Variants in VAV2 observed in about 807,000 individuals in gnomAD.
VAV2 encodes vav guanine nucleotide exchange factor 2.
In VAV2, 67 loss-of-function variants were observed where a neutral mutation model predicts 132.5. The ratio of observed to expected loss-of-function variants is 0.51; its 90% CI spans 0.42 to 0.62. VAV2 has a LOEUF of 0.62. Among genes scored for constraint, VAV2 ranks in the 20% least tolerant of loss-of-function variants. VAV2 has a pLI of 0.00. For synonymous variants in VAV2, 492 were observed against 443.5 expected, an observed-to-expected ratio of 1.11 and a Z score of -1.37; for missense variants, 938 against 1,153.6, an observed-to-expected ratio of 0.81 and a Z score of 2.71.
intron 2 of VAV2, among the ~76,000 whole-genome samples, chr9:133,868,411 G>A (rs192067045): frequency 2.0e-3 from 298 of 152,336 alleles, no homozygotes; most frequent in African/African-American, 6.9e-3. Flanking sequence ...CCCGGGCACC[G>A]TGCTGAGGCT....
chr9:133,929,201 G>A (rs1397794838), intron 2 of VAV2, among the ~76,000 whole-genome samples: 4 of 152,086 alleles, frequency 2.6e-5, no homozygotes, highest in Admixed American at 6.5e-5. Flanking sequence ...TGGTGTCTTC[G>A]TGGGTCCACT....
At chr9:133,932,386 C>T (rs1413951261) in intron 2 of VAV2, among the ~76,000 whole-genome samples, 2 of 152,220 alleles carry the variant, frequency 1.3e-5, no homozygotes, top group Admixed American at 6.5e-5. Flanking sequence ...CCGGGCAGCA[C>T]AGGAAGCCGG....
At chr9:133,920,712 A>T (rs1201686937) in intron 2 of VAV2, among the ~76,000 whole-genome samples, 1 of 147,870 alleles carries the variant, frequency 6.8e-6, no homozygotes, top group Admixed American at 6.7e-5. Context: ...AAGGCGGGGG[A>T]TGCTGTCTGT....
At chr9:133,816,201 C>A (rs924491449) in intron 4 of VAV2, among the ~76,000 whole-genome samples, 1 of 152,216 alleles carries the variant, frequency 6.6e-6, no homozygotes, top group Admixed American at 6.5e-5. Context: ...TTATTGAATT[C>A]GGTGAGTTCT....
chr9:133,964,547 A>G (rs1490250828), intron 1 of VAV2, among the ~76,000 whole-genome samples: 1 of 152,150 alleles, frequency 6.6e-6, no homozygotes, highest in African/African-American at 2.4e-5. Context: ...CAATACCCTA[A>G]CGAACATAGA....
chr9:133,785,274 G>A (rs1834172954), intron 17 of VAV2, among the ~76,000 whole-genome samples: 1 of 152,206 alleles, frequency 6.6e-6, no homozygotes. Flanking sequence ...TGGCCCTCCA[G>A]GGTCCGTGTT....
intron 3 of VAV2, among the ~76,000 whole-genome samples, chr9:133,838,992 A>ATGGG (rs1836606891): frequency 8.5e-6 from 1 of 118,142 alleles, no homozygotes; most frequent in Non-Finnish European, 1.8e-5. Flanking sequence ...GAATGGATGG[A>ATGGG]TGGGTGGGTA....
chr9:133,835,388 A>T (rs2131786296), intron 3 of VAV2, among the ~76,000 whole-genome samples: 1 of 129,742 alleles, frequency 7.7e-6, no homozygotes, highest in Non-Finnish European at 1.6e-5. Flanking sequence ...AGCCTCAGGA[A>T]GCGGGGAGAG....
At chr9:133,777,669 C>T (rs1833864182) in intron 22 of VAV2, among the ~76,000 whole-genome samples, 1 of 152,084 alleles carries the variant, frequency 6.6e-6, no homozygotes, top group South Asian at 2.1e-4. Context: ...AGCACTAAGG[C>T]CTGGCACAGC....
chr9:133,970,661 T>C (rs1842301516), intron 1 of VAV2, among the ~76,000 whole-genome samples: 1 of 152,204 alleles, frequency 6.6e-6, no homozygotes, highest in African/African-American at 2.4e-5. Context: ...CCCCAGCCTC[T>C]GGCCTAGCTA....
rs1262755989 is a variant in VAV2, at chr9:133,868,363, G to A, written c.322-6931C>T. 2.0e-5 allele frequency among the ~76,000 whole-genome samples: 3 copies of A among 152,212 alleles called. No individual in the cohort carries two copies. The East Asian group carries it at 5.8e-4, about 29-fold the overall frequency. On this transcript the variant is annotated intron_variant, in intron 2 of 29. Transcript: ENST00000371850. ...TGGCCAGGAGATGCTCTGCGAATGG[G>A]GAAGAGCCCAGACTGCCCTGGGTTC...
intron 2 of VAV2, among the ~76,000 whole-genome samples, chr9:133,915,885 GCA>G (rs748583463): frequency 5.8e-4 from 78 of 133,436 alleles, no homozygotes; most frequent in South Asian, 2.7e-3. Context: ...ACCCACACAT[GCA>G]CACTCACACA....
intron 1 of VAV2, among the ~76,000 whole-genome samples, chr9:133,982,029 C>A (rs1040823519): frequency 7.9e-5 from 12 of 152,238 alleles, no homozygotes; most frequent in African/African-American, 2.4e-4. Flanking sequence ...ACAAACTGTG[C>A]GACCCGGAAG....
Position 133,919,490 on chromosome 9 carries a change from A to G in VAV2, c.321+19613T>C, listed in dbSNP as rs1840217990. Among the ~76,000 whole-genome samples the G allele has an allele frequency of 6.6e-6, 1 of 151,820 alleles. No individual in the cohort carries two copies. Among genetic ancestry groups the G allele is most frequent in the African/African-American group, 2.4e-5 (1 of 41,306 alleles). On this transcript the variant is annotated intron_variant, in intron 2 of 29. Transcript: ENST00000371850. The surrounding 1 kb of genome is among the most constrained non-coding windows in gnomAD (Gnocchi z 5.8). ...AGGTGTCCCGGCTCCCAGCCCAGGGACTCACTGTCCCCCGGGGCCAGGTCG... is the reference window on the plus strand; with the variant it reads ...AGGTGTCCCGGCTCCCAGCCCAGGGGCTCACTGTCCCCCGGGGCCAGGTCG...
chr9:133,875,933 G>A (rs1327634717), intron 2 of VAV2, among the ~76,000 whole-genome samples: 2 of 152,206 alleles, frequency 1.3e-5, no homozygotes, highest in East Asian at 1.9e-4. Flanking sequence ...AACTGCGGGG[G>A]CCCAAACAGG....
Position 133,761,976 on chromosome 9 carries a change from T to C in VAV2, c.*2086A>G, listed in dbSNP as rs1394586258. 1 of 152,622 alleles carries C rather than the reference T, an allele frequency of 6.6e-6. No individual in the cohort carries two copies. Among genetic ancestry groups the C allele is most frequent in the Non-Finnish European group, 1.5e-5 (1 of 68,068 alleles). 9.5% of individuals were successfully genotyped at this position (152,622 alleles called of 1,614,324 possible). On this transcript the variant is annotated 3_prime_UTR_variant, in exon 30 of 30. Coordinates refer to ENST00000371850, the MANE Select transcript of VAV2 (RefSeq NM_001134398.2). Reference sequence around the variant, plus strand: ...TTGGCAAATGTACAGTTTGTGTCCATTTGGGGTTCCCGCCAGCTGGGGGGG... The same window carrying C: ...TTGGCAAATGTACAGTTTGTGTCCACTTGGGGTTCCCGCCAGCTGGGGGGG...
chr9:133,861,327 T>C (rs1182333456), intron 3 of VAV2, 47 bp downstream of exon 3: 3 of 1,576,506 alleles, frequency 1.9e-6, no homozygotes, highest in East Asian at 4.6e-5. Context: ...CTGGTGTCGA[T>C]GGAGATGAAA....
At chr9:133,781,103 CGTGATGAGGAAGCATTG>C (rs145493649) in intron 19 of VAV2, among the ~76,000 whole-genome samples, 12,835 of 152,004 alleles carry the variant, frequency 0.084, 594 homozygotes, top group South Asian at 0.11. Flanking sequence ...TGCTGGGGCA[CGTGATGAGGAAGCATTG>C]GTATGCATGC....
intron 2 of VAV2, among the ~76,000 whole-genome samples, chr9:133,936,549 T>G (rs145725074): frequency 6.6e-6 from 1 of 152,160 alleles, no homozygotes; most frequent in African/African-American, 2.4e-5. Context: ...GACCCAGCCA[T>G]TGCATCTTTA....
Sources: allele counts gnomAD v4.1 joint callset (sites outside exome capture counted in the v4.1 genomes callset), GRCh38; gene constraint gnomAD v4.1.1; non-coding constraint Gnocchi (gnomAD v3.1); transcripts MANE v1.5; gene names NCBI Gene and HGNC (gene_info 2026-07-23, HGNC 2026-07-21).